ZNF503: variants seen among roughly 807,000 people sequenced by gnomAD.
ZNF503 encodes the protein NocA-like zinc finger 2.
A neutral mutation model predicts 34.4 loss-of-function variants in ZNF503; 15 were observed. The observed-to-expected ratio is 0.44, with a 90% confidence interval of 0.29 to 0.67. The LOEUF (loss-of-function observed/expected upper bound fraction) is 0.67. ZNF503 is among the 30% of genes least tolerant of loss of function. The pLI is 0.13. For missense variants in ZNF503, 1,007 were observed against 926.8 expected (o/e 1.09, Z -1.12); for synonymous variants, 580 against 456.8 (o/e 1.27, Z -3.44).
the ZNF503 span, among the ~76,000 whole-genome samples, chr10:75,297,037 C>G: frequency 2.0e-4 from 30 of 152,322 alleles, no homozygotes; most frequent in African/African-American, 7.0e-4. Flanking sequence ...CTCACTTGTC[C>G]TCAACTGTGA....
In ZNF503 at chr10:75,401,432, C is replaced by G; in HGVS notation, c.-13G>C. 6.5e-7 allele frequency: 1 copy of G among 1,532,090 alleles called. No individual in the cohort carries two copies. Among genetic ancestry groups the G allele is most frequent in the South Asian group, 1.2e-5 (1 of 83,406 alleles). 94.9% of individuals were successfully genotyped at this position (1,532,090 alleles called of 1,614,324 possible). On this transcript the variant is annotated 5_prime_UTR_variant, in exon 1 of 2. Coordinates refer to ENST00000372524, the MANE Select transcript of ZNF503 (RefSeq NM_032772.6). ...GCGCTGTGCTCATGACCCACCCGCGCGCATGGGAGCAGCGGGGGGGAGGGC... is the reference window on the plus strand; with the variant it reads ...GCGCTGTGCTCATGACCCACCCGCGGGCATGGGAGCAGCGGGGGGGAGGGC...
the ZNF503 span, among the ~76,000 whole-genome samples, chr10:75,328,746 C>CTTTTT: frequency 6.1e-5 from 8 of 130,792 alleles, no homozygotes; most frequent in African/African-American, 8.7e-5. Flanking sequence ...AATGTCTTTT[C>CTTTTT]TTTTTTTTTT....
chr10:75,401,505 CAGGAGCAGCGGGAGG>C lies in ZNF503; in HGVS notation c.-101_-87del, dbSNP rs1440165307. 4 of 1,450,204 alleles carry C rather than the reference CAGGAGCAGCGGGAGG, an allele frequency of 2.8e-6. No homozygotes were observed. The highest frequency in any genetic ancestry group is 3.6e-6 in the Non-Finnish European group (4 of 1,098,232). 89.8% of individuals were successfully genotyped at this position (1,450,204 alleles called of 1,614,324 possible). Reference sequence around the variant, plus strand: ...CGGGGCTGCGCGCTCGCCCCGGGAGCAGGAGCAGCGGGAGGAGGAGGAGCTGGCGCGGCGGCCACG... The same window carrying C: ...CGGGGCTGCGCGCTCGCCCCGGGAGCAGGAGGAGCTGGCGCGGCGGCCACG... On this transcript the variant is annotated 5_prime_UTR_variant, in exon 1 of 2. Coordinates refer to ENST00000372524, the MANE Select transcript of ZNF503 (RefSeq NM_032772.6).
At position 75,399,208 on chromosome 10, in the gene ZNF503, G is replaced by C; in HGVS notation, c.1482C>G (p.Ser494=). 1 of 1,597,040 alleles carries C rather than the reference G, an allele frequency of 6.3e-7. No individual in the cohort carries two copies. The highest frequency in any genetic ancestry group is 1.7e-5 in the Admixed American group (1 of 58,976). The change falls in exon 2 of 2, where the codon TCC becomes TCG. Residue 494 remains serine (S), a synonymous_variant. Coordinates refer to ENST00000372524, the MANE Select transcript of ZNF503 (RefSeq NM_032772.6). Reference sequence around the variant, plus strand: ...AGGGGTAGAGGGGGTGGCCGGCCAGGGAGGGCGGTGTGGCGCCAGCAGCCG... The same window carrying C: ...AGGGGTAGAGGGGGTGGCCGGCCAGCGAGGGCGGTGTGGCGCCAGCAGCCG... ...AAAAAGATPP[S]LAGHPLYPYG...
the ZNF503 span, among the ~76,000 whole-genome samples, chr10:75,287,060 C>T: frequency 8.9e-3 from 1,353 of 152,286 alleles, 24 homozygotes; most frequent in African/African-American, 0.031. Context: ...GGAAGGATGC[C>T]AGACAGGTAT....
the ZNF503 span, among the ~76,000 whole-genome samples, chr10:75,386,272 G>A: frequency 6.6e-6 from 1 of 152,190 alleles, no homozygotes; most frequent in African/African-American, 2.4e-5. Flanking sequence ...TCACAAGAAT[G>A]AGCACAATAT....
At position 75,398,529 on chromosome 10, in the gene ZNF503, A is replaced by C. The variant is rs896455787; in HGVS notation, c.*220T>G. ...CAAATGATATTTTTTCAACTTTTAT[A>C]AAGTTTGGGTGGGGAGGTGAAAGTG... On this transcript the variant is annotated 3_prime_UTR_variant, in exon 2 of 2. Transcript: ENST00000372524. The C allele has an allele frequency of 2.5e-6, 1 of 400,924 alleles. No homozygotes were observed. Among genetic ancestry groups the C allele is most frequent in the Non-Finnish European group, 4.3e-6 (1 of 230,080 alleles). 24.8% of individuals were successfully genotyped at this position (400,924 alleles called of 1,614,324 possible).
the ZNF503 span, among the ~76,000 whole-genome samples, chr10:75,292,564 T>C: frequency 6.6e-5 from 10 of 152,352 alleles, no homozygotes; most frequent in Non-Finnish European, 1.0e-4. Flanking sequence ...ATATCTCTTT[T>C]GGAATCAATA....
the ZNF503 span, among the ~76,000 whole-genome samples, chr10:75,299,764 C>T: frequency 6.6e-6 from 1 of 152,104 alleles, no homozygotes; most frequent in African/African-American, 2.4e-5. Context: ...CCTGCCGAGC[C>T]GTGAAACCAG....
At chr10:75,312,374 G>A in the ZNF503 span, among the ~76,000 whole-genome samples, 2 of 152,068 alleles carry the variant, frequency 1.3e-5, no homozygotes, top group African/African-American at 2.4e-5. Context: ...GGAATCAAGA[G>A]AAAAGAATCA....
chr10:75,368,322 G>GAGAAAATT, the ZNF503 span, among the ~76,000 whole-genome samples: 1 of 151,952 alleles, frequency 6.6e-6, no homozygotes, highest in Non-Finnish European at 1.5e-5. Flanking sequence ...AGATTTTCAA[G>GAGAAAATT]GGTACCAATA....
chr10:75,340,352 G>T, the ZNF503 span, among the ~76,000 whole-genome samples: 2 of 152,158 alleles, frequency 1.3e-5, no homozygotes, highest in Non-Finnish European at 2.9e-5. Context: ...AGGCATTTGG[G>T]CAGTATCAAA....
chr10:75,296,101 T>C, the ZNF503 span, among the ~76,000 whole-genome samples: 5 of 152,228 alleles, frequency 3.3e-5, no homozygotes, highest in Admixed American at 3.3e-4. Flanking sequence ...TGGTAATAAA[T>C]TGGGCCAGGG....
the ZNF503 span, among the ~76,000 whole-genome samples, chr10:75,284,411 T>A: frequency 2.9e-5 from 2 of 68,676 alleles, no homozygotes; most frequent in African/African-American, 7.3e-5. Context: ...CTCTGGAGAG[T>A]GGGGAAGGGT....
chr10:75,388,148 T>C, the ZNF503 span, among the ~76,000 whole-genome samples: 2 of 152,208 alleles, frequency 1.3e-5, no homozygotes, highest in Admixed American at 6.5e-5. Context: ...TCCTCCTCAC[T>C]GGCAGGGGGC....
At chr10:75,343,802 A>G in the ZNF503 span, among the ~76,000 whole-genome samples, 1 of 152,158 alleles carries the variant, frequency 6.6e-6, no homozygotes, top group Non-Finnish European at 1.5e-5. Context: ...AGAGGTTGGG[A>G]AAAAGCTGCA....
the ZNF503 span, among the ~76,000 whole-genome samples, chr10:75,284,489 T>G: frequency 2.8e-4 from 43 of 151,944 alleles, no homozygotes; most frequent in African/African-American, 1.0e-3. Flanking sequence ...AAAGCAGAAA[T>G]AGAAGAAAAA....
the ZNF503 span, among the ~76,000 whole-genome samples, chr10:75,291,707 C>G: frequency 6.6e-6 from 1 of 152,258 alleles, no homozygotes; most frequent in Admixed American, 6.5e-5. Flanking sequence ...GTAACTGCTG[C>G]TGCTGTGGTC....
At chr10:75,390,053 C>T in the ZNF503 span, among the ~76,000 whole-genome samples, 2 of 152,028 alleles carry the variant, frequency 1.3e-5, no homozygotes, top group African/African-American at 4.8e-5. Flanking sequence ...CCCACCACGC[C>T]CGGCTAATTT....
Sources: allele counts gnomAD v4.1 joint callset (sites outside exome capture counted in the v4.1 genomes callset), GRCh38; gene constraint gnomAD v4.1.1; transcripts MANE v1.5; gene names NCBI Gene and HGNC (gene_info 2026-07-23, HGNC 2026-07-21).